VPS37A: variants seen among roughly 807,000 people sequenced by gnomAD.
The protein encoded by VPS37A is vacuolar protein sorting-associated protein 37A.
Under a neutral mutation model 49.8 loss-of-function variants are expected in VPS37A, and 30 were observed. That is an observed-to-expected ratio of 0.60 (90% CI 0.45 to 0.82). The LOEUF (loss-of-function observed/expected upper bound fraction) is 0.82. Among genes scored for constraint, VPS37A ranks in the 40% least tolerant of loss-of-function variants. The probability of loss-of-function intolerance (pLI) is 0.00; values close to 1 mark genes in which losing one functional copy is unlikely to be tolerated. For synonymous variants in VPS37A, 195 were observed against 160.6 expected (o/e 1.21, Z -1.62); for missense variants, 593 against 464.4 (o/e 1.28, Z -2.55).
chr8:17,274,967 C>T lies in VPS37A; in HGVS notation c.642+9C>T, dbSNP rs1320293854. The T allele has an allele frequency of 6.2e-6, 10 of 1,609,274 alleles. No homozygotes were observed. In the East Asian group the frequency reaches 6.7e-5, roughly 11 times the overall value. ...TGGATGCTTCAATACCGGTTGGTAT[C>T]GTCAGTTATCTATATTTTGTGCCAC... On this transcript the variant is annotated intron_variant, in intron 5 of 11. Coordinates refer to ENST00000324849, the MANE Select transcript of VPS37A (RefSeq NM_152415.3).
Position 17,284,464 on chromosome 8 carries a change from C to G in VPS37A, c.970-9C>G. ...ATAAATTAAAGTAGTGCCTGATTTT[C>G]TTTTTCAGAGCTGTAGTGCAAGTGC... On this transcript the variant is annotated splice_polypyrimidine_tract_variant and intron_variant, in intron 9 of 11. Transcript: ENST00000324849. 6.4e-7 allele frequency: 1 copy of G among 1,552,476 alleles called. No homozygotes were observed. The highest frequency in any genetic ancestry group is 8.6e-7 in the Non-Finnish European group (1 of 1,160,242).
chr8:17,308,263 G>A, the VPS37A span, among the ~76,000 whole-genome samples: 3 of 151,672 alleles, frequency 2.0e-5, no homozygotes, highest in African/African-American at 7.3e-5. Context: ...TATTCTTTCT[G>A]TCATCTGTCT....
At chr8:17,321,884 A>G in the VPS37A span, among the ~76,000 whole-genome samples, 6 of 152,210 alleles carry the variant, frequency 3.9e-5, no homozygotes, top group African/African-American at 1.4e-4. Context: ...CAAAGACAAA[A>G]GATATAATTT....
intron 11 of VPS37A, among the ~76,000 whole-genome samples, chr8:17,290,663 GT>G (rs1422549981): frequency 6.6e-6 from 1 of 152,188 alleles, no homozygotes; most frequent in Non-Finnish European, 1.5e-5. Flanking sequence ...TCTTAGCCAG[GT>G]TTTGGTATCA....
downstream of VPS37A, among the ~76,000 whole-genome samples, chr8:17,301,265 A>C (rs1465681288): frequency 1.3e-5 from 2 of 152,228 alleles, no homozygotes; most frequent in Non-Finnish European, 2.9e-5. Flanking sequence ...GAATTTCAAA[A>C]AGGCAAAAGT....
At chr8:17,263,281 A>G (rs1054502494) in intron 1 of VPS37A, among the ~76,000 whole-genome samples, 1 of 152,164 alleles carries the variant, frequency 6.6e-6, no homozygotes. Flanking sequence ...ATGTTTTGGA[A>G]TAAGTTTTTT....
At chr8:17,266,359 A>G (rs890463582) in intron 2 of VPS37A, among the ~76,000 whole-genome samples, 2 of 152,216 alleles carry the variant, frequency 1.3e-5, no homozygotes, top group African/African-American at 4.8e-5. Context: ...AAATATTCCA[A>G]ATTTCAGCAA....
chr8:17,307,023 G>C (rs1320262017), downstream of VPS37A, among the ~76,000 whole-genome samples: 1 of 152,186 alleles, frequency 6.6e-6, no homozygotes, highest in Non-Finnish European at 1.5e-5. Flanking sequence ...GGCAGCAAAA[G>C]ACAAAATTGA....
At chr8:17,320,151 ACATAT>A in the VPS37A span, among the ~76,000 whole-genome samples, 1 of 152,002 alleles carries the variant, frequency 6.6e-6, no homozygotes, top group Non-Finnish European at 1.5e-5. Context: ...TATTTACATA[ACATAT>A]GAGATTTTCT....
chr8:17,271,901 A>T, intron 4 of VPS37A: 1 of 447,510 alleles, frequency 2.2e-6, no homozygotes, highest in Non-Finnish European at 4.5e-6. Flanking sequence ...GAAGCTAGGA[A>T]TGAGAGATAA....
At chr8:17,294,202 TGAGGTGGGCTTTGCCCA>T (rs1816403525) in intron 11 of VPS37A, among the ~76,000 whole-genome samples, 1 of 152,200 alleles carries the variant, frequency 6.6e-6, no homozygotes, top group South Asian at 2.1e-4. Context: ...TTTGTGGAGC[TGAGGTGGGCTTTGCCCA>T]GTCCAAACTT....
chr8:17,328,952 C>G, the VPS37A span, among the ~76,000 whole-genome samples: 2 of 152,204 alleles, frequency 1.3e-5, no homozygotes, highest in South Asian at 2.1e-4. Flanking sequence ...AGGACCTACA[C>G]AGGATGTGAA....
intron 6 of VPS37A, chr8:17,279,688 A>T: frequency 2.4e-6 from 1 of 408,630 alleles, no homozygotes; most frequent in South Asian, 1.9e-5. Context: ...ATTGTTCTTT[A>T]CCTGAGTTAA....
At chr8:17,293,914 C>T (rs985642723) in intron 11 of VPS37A, among the ~76,000 whole-genome samples, 1 of 152,238 alleles carries the variant, frequency 6.6e-6, no homozygotes, top group South Asian at 2.1e-4. Flanking sequence ...GTCTGCCTGT[C>T]AGGAGGCACG....
At chr8:17,327,729 AC>A in the VPS37A span, among the ~76,000 whole-genome samples, 1 of 151,504 alleles carries the variant, frequency 6.6e-6, no homozygotes, top group South Asian at 2.1e-4. Flanking sequence ...CACTAGTTTT[AC>A]CACATTCTTT....
At chr8:17,264,193 G>A (rs191222640) in intron 1 of VPS37A, among the ~76,000 whole-genome samples, 25 of 152,198 alleles carry the variant, frequency 1.6e-4, no homozygotes, top group African/African-American at 5.8e-4. Context: ...GGTAAAGACA[G>A]GATTTGAACC....
chr8:17,274,635 T>C, intron 4 of VPS37A, 98 bp from the exon 5 acceptor site: 1 of 851,032 alleles, frequency 1.2e-6, no homozygotes, highest in Non-Finnish European at 1.8e-6. Context: ...ATTTCATCTA[T>C]ATAGTACTTG....
At chr8:17,258,958 C>A (rs914135532) in intron 1 of VPS37A, among the ~76,000 whole-genome samples, 1 of 152,000 alleles carries the variant, frequency 6.6e-6, no homozygotes, top group African/African-American at 2.4e-5. Flanking sequence ...GTCACATCTT[C>A]TTTTTCATTG....
intron 11 of VPS37A, among the ~76,000 whole-genome samples, chr8:17,287,716 G>A (rs559724934): frequency 3.3e-5 from 5 of 152,072 alleles, no homozygotes; most frequent in East Asian, 1.9e-4. Context: ...AGCCCTTCAC[G>A]TATTCCTGAT....
Sources: gnomAD v4.1 joint callset for allele counts (sites outside exome capture counted in the v4.1 genomes callset) on GRCh38, gnomAD v4.1.1 for gene constraint, MANE v1.5 for transcripts, NCBI Gene and HGNC (gene_info 2026-07-23, HGNC 2026-07-21) for gene names.